The following CNTNAP2 variants were observed in gnomAD, a reference collection of about 807,000 sequenced individuals.
The protein encoded by CNTNAP2 is contactin-associated protein-like 2.
Under a neutral mutation model 155.2 loss-of-function variants are expected in CNTNAP2, and 98 were observed. That is an observed-to-expected ratio of 0.63 (90% CI 0.54 to 0.75). The LOEUF (loss-of-function observed/expected upper bound fraction) is 0.75. Ranked by LOEUF, CNTNAP2 falls within the 30% of genes least tolerant of loss-of-function variation. The pLI is 0.00. For synonymous variants in CNTNAP2, 651 were observed against 631.2 expected (o/e 1.03, Z -0.47); for missense variants, 1,727 against 1,688.1 (o/e 1.02, Z -0.40).
At chr7:147,798,396 G>C (rs1797936001) in intron 13 of CNTNAP2, among the ~76,000 whole-genome samples, 1 of 152,044 alleles carries the variant, frequency 6.6e-6, no homozygotes, top group Non-Finnish European at 1.5e-5. Context: ...TTAAAAGTAG[G>C]GTAATTTCTC....
chr7:146,897,192 A>G (rs1288922288), intron 3 of CNTNAP2, among the ~76,000 whole-genome samples: 1 of 152,136 alleles, frequency 6.6e-6, no homozygotes, highest in African/African-American at 2.4e-5. Flanking sequence ...CCATCATTAC[A>G]CTGAGATACT....
intron 11 of CNTNAP2, among the ~76,000 whole-genome samples, chr7:147,540,531 G>C (rs17170587): frequency 0.19 from 29,558 of 152,060 alleles, 3,079 homozygotes; most frequent in Admixed American, 0.29. Context: ...ATTAGAATTT[G>C]CACAATGCAA....
In CNTNAP2 at chr7:148,041,683, C is replaced by A. The variant is rs556392314; in HGVS notation, c.2383+63694C>A. ...TTTGATTATGAGAGGTCTCAGAATG[C>A]AACTTGTTTATGGGAAGAATATCAT... On this transcript the variant is annotated intron_variant, in intron 15 of 23. Coordinates refer to ENST00000361727, the MANE Select transcript of CNTNAP2 (RefSeq NM_014141.6). Among the ~76,000 whole-genome samples the A allele has an allele frequency of 2.0e-5, 3 of 152,278 alleles. No individual in the cohort carries two copies. In the South Asian group the frequency reaches 6.2e-4, roughly 32 times the overall value.
chr7:147,396,118 G>C (rs1304162230), intron 10 of CNTNAP2, among the ~76,000 whole-genome samples: 1 of 146,786 alleles, frequency 6.8e-6, no homozygotes, highest in Non-Finnish European at 1.5e-5. Flanking sequence ...GCATATATGA[G>C]ATATATTGTA....
chr7:148,038,714 A>C (rs1396385424), intron 15 of CNTNAP2, among the ~76,000 whole-genome samples: 1 of 152,134 alleles, frequency 6.6e-6, no homozygotes. Context: ...ATTTCATTTG[A>C]TGCCCATAGA....
chr7:146,130,703 A>G (rs1797701041), intron 1 of CNTNAP2, among the ~76,000 whole-genome samples: 2 of 152,196 alleles, frequency 1.3e-5, no homozygotes, highest in South Asian at 4.1e-4. Context: ...GGAATACCAG[A>G]GACTGGGTAA....
intron 1 of CNTNAP2, among the ~76,000 whole-genome samples, chr7:146,245,569 A>G (rs1253859001): frequency 1.3e-5 from 2 of 152,212 alleles, no homozygotes; most frequent in East Asian, 1.9e-4. Flanking sequence ...AATTCTGACC[A>G]CACTAACCAT....
At chr7:146,722,835 T>C (rs1264209246) in intron 1 of CNTNAP2, among the ~76,000 whole-genome samples, 2 of 152,026 alleles carry the variant, frequency 1.3e-5, no homozygotes, top group Non-Finnish European at 2.9e-5. Flanking sequence ...TCCAACATGA[T>C]GAAACACTAT....
chr7:146,713,066 A>T (rs1322657756), intron 1 of CNTNAP2, among the ~76,000 whole-genome samples: 1 of 152,090 alleles, frequency 6.6e-6, no homozygotes, highest in Non-Finnish European at 1.5e-5. Flanking sequence ...TTGGTTTTCA[A>T]AACTAAAACT....
chr7:146,364,980 A>G (rs534481920), intron 1 of CNTNAP2, among the ~76,000 whole-genome samples: 1 of 152,330 alleles, frequency 6.6e-6, no homozygotes, highest in Admixed American at 6.5e-5. Flanking sequence ...TGGTTGTCAA[A>G]TTTACAAGCC....
intron 8 of CNTNAP2, among the ~76,000 whole-genome samples, chr7:147,290,451 C>T (rs749088211): frequency 1.3e-5 from 2 of 151,928 alleles, no homozygotes; most frequent in Non-Finnish European, 2.9e-5. Context: ...GAGGCCGAGG[C>T]GGGTGGATTG....
chr7:147,364,014 T>C (rs979848806), intron 9 of CNTNAP2, among the ~76,000 whole-genome samples: 7 of 152,318 alleles, frequency 4.6e-5, no homozygotes, highest in Non-Finnish European at 1.0e-4. Context: ...AGAAGATCAC[T>C]GAATAGAATA....
chr7:147,672,303 A>T (rs1795800496), intron 13 of CNTNAP2: 1 of 152,216 alleles, frequency 6.6e-6, no homozygotes, highest in Non-Finnish European at 1.5e-5. Context: ...AACTTTCTAA[A>T]TTTGAATTGT....
chr7:147,712,575 A>G (rs998413977), intron 13 of CNTNAP2, among the ~76,000 whole-genome samples: 1 of 152,204 alleles, frequency 6.6e-6, no homozygotes, highest in African/African-American at 2.4e-5. Flanking sequence ...CATAAAAAGG[A>G]TGAGTTCATG....
rs902011535 is a variant in CNTNAP2 at position 146,405,790 on chromosome 7, A to G, written c.97+288817A>G. Among the ~76,000 whole-genome samples, 3 of 152,246 alleles carry G rather than the reference A, an allele frequency of 2.0e-5. No individual in the cohort carries two copies. In the South Asian group the frequency reaches 6.2e-4, roughly 31 times the overall value. ...ATTTTAACATTTAGCTATAAGATAT[A>G]CAAATCATATTTACACCTACTGTGT... On this transcript the variant is annotated intron_variant, in intron 1 of 23. Transcript: ENST00000361727.
At chr7:146,959,879 G>A (rs1368662272) in intron 3 of CNTNAP2, among the ~76,000 whole-genome samples, 2 of 152,180 alleles carry the variant, frequency 1.3e-5, no homozygotes, top group African/African-American at 2.4e-5. Flanking sequence ...TGAGGTTAAA[G>A]TCAGTAATTA....
intron 1 of CNTNAP2, among the ~76,000 whole-genome samples, chr7:146,611,544 CA>C (rs1799137428): frequency 6.6e-6 from 1 of 152,030 alleles, no homozygotes. Flanking sequence ...GGTCTAAAAT[CA>C]GGTATATCTG....
At chr7:147,237,673 A>G (rs1480359571) in intron 8 of CNTNAP2, among the ~76,000 whole-genome samples, 1 of 152,208 alleles carries the variant, frequency 6.6e-6, no homozygotes, top group Non-Finnish European at 1.5e-5. Flanking sequence ...ATAAATTCTC[A>G]AGAATAATGG....
chr7:148,174,554 G>A (rs1794900137), intron 18 of CNTNAP2, among the ~76,000 whole-genome samples: 1 of 152,214 alleles, frequency 6.6e-6, no homozygotes, highest in South Asian at 2.1e-4. Context: ...GCTTGCAGAT[G>A]TGGAAAACAT....
Sources: gnomAD v4.1 joint callset for allele counts (sites outside exome capture counted in the v4.1 genomes callset) on GRCh38, gnomAD v4.1.1 for gene constraint, MANE v1.5 for transcripts, NCBI Gene and HGNC (gene_info 2026-07-23, HGNC 2026-07-21) for gene names.